The following DOCK7 variants were observed in gnomAD, a reference collection of about 807,000 sequenced individuals.
DOCK7 encodes dedicator of cytokinesis protein 7.
DOCK7 carries 138 observed loss-of-function variants against 271.0 expected under a neutral mutation model. The ratio of observed to expected loss-of-function variants is 0.51; its 90% CI spans 0.44 to 0.59. The LOEUF (loss-of-function observed/expected upper bound fraction) is 0.59, where lower values mean the gene tolerates loss of function less well. Ranked by LOEUF, DOCK7 falls within the 20% of genes least tolerant of loss-of-function variation. The probability of loss-of-function intolerance (pLI) is 0.00; values close to 1 mark genes in which losing one functional copy is unlikely to be tolerated. For synonymous variants in DOCK7, 823 were observed against 876.1 expected (o/e 0.94, Z 1.07); for missense variants, 2,066 against 2,592.4 (o/e 0.80, Z 4.41).
intron 1 of DOCK7, among the ~76,000 whole-genome samples, chr1:62,683,222 G>A (rs913653935): frequency 6.6e-6 from 1 of 152,194 alleles, no homozygotes; most frequent in East Asian, 1.9e-4. Flanking sequence ...TAGATATTCA[G>A]CATTAAGAAT....
intron 1 of DOCK7, among the ~76,000 whole-genome samples, chr1:62,682,213 G>C (rs1363926751): frequency 6.6e-6 from 1 of 152,174 alleles, no homozygotes; most frequent in African/African-American, 2.4e-5. Context: ...GCAAGGGTTT[G>C]GCTTTAACAC....
chr1:62,458,534 TG>T (rs62932760), intron 48 of DOCK7: 74,516 of 127,320 alleles, frequency 0.59, 21,163 homozygotes, highest in East Asian at 0.76. Context: ...TAATAGGTTT[TG>T]TTTTTTTTTT....
Position 62,485,342 on chromosome 1 carries a change from T to TCA in DOCK7, c.5508+2054_5508+2055dup, listed in dbSNP as rs141017482. The TCA allele has an allele frequency of 2.7e-3, 2,543 of 930,952 alleles. 13 individuals carry two copies. The highest frequency in any genetic ancestry group is 0.019 in the African/African-American group (1,075 of 55,894). 57.7% of individuals were successfully genotyped at this position (930,952 alleles called of 1,614,324 possible). ...AAATACTAAGTTTTAGAGTTATCTTTCACACACACACACACACACCCTTCT... is the reference window on the plus strand; with the variant it reads ...AAATACTAAGTTTTAGAGTTATCTTTCACACACACACACACACACACCCTTCT... On this transcript the variant is annotated intron_variant, in intron 43 of 49. Transcript: ENST00000635253.
rs1227331119 is a variant in DOCK7 at position 62,488,930 on chromosome 1, T to C, written c.5493+4A>G. ...ATAGTGAAGCTAGAAATTGGAATCA[T>C]TACCTGATGAACAATTTTGCTGAAT... On this transcript the variant is annotated splice_donor_region_variant and intron_variant, in intron 42 of 49. Transcript: ENST00000635253. 1.2e-6 allele frequency: 2 copies of C among 1,613,576 alleles called. No homozygotes were observed. The highest frequency in any genetic ancestry group is 1.7e-6 in the Non-Finnish European group (2 of 1,179,812).
intron 15 of DOCK7, 73 bp downstream of exon 15, chr1:62,586,434 C>T: frequency 1.7e-6 from 2 of 1,149,648 alleles, no homozygotes; most frequent in African/African-American, 1.6e-5. Context: ...TTGCAGTTGC[C>T]AACCAAAGAG....
At chr1:62,671,334 G>A (rs183401484) in intron 1 of DOCK7, among the ~76,000 whole-genome samples, 136 of 152,320 alleles carry the variant, frequency 8.9e-4, no homozygotes, top group Non-Finnish European at 7.4e-4. Flanking sequence ...CACAGGAATA[G>A]AAAAGAAAAA....
At chr1:62,634,386 T>A (rs1654998233) in intron 9 of DOCK7, 1 of 152,220 alleles carries the variant, frequency 6.6e-6, no homozygotes, top group African/African-American at 2.4e-5. Context: ...TTTTTTTTTT[T>A]TTTTTTGCAG....
At chr1:62,669,118 T>G (rs1048252130) in intron 1 of DOCK7, among the ~76,000 whole-genome samples, 2 of 152,156 alleles carry the variant, frequency 1.3e-5, no homozygotes, top group African/African-American at 4.8e-5. Context: ...CTCCCTATAC[T>G]TTCAAAGCAC....
At chr1:62,583,684 T>C (rs1647208665) in intron 15 of DOCK7, among the ~76,000 whole-genome samples, 1 of 152,168 alleles carries the variant, frequency 6.6e-6, no homozygotes, top group East Asian at 1.9e-4. Flanking sequence ...ATATAAATTA[T>C]ATATGATATC....
chr1:62,633,717 C>G lies in DOCK7; in HGVS notation c.1036-139G>C, dbSNP rs373090870. On this transcript the variant is annotated intron_variant, in intron 9 of 49. Coordinates refer to ENST00000635253, the MANE Select transcript of DOCK7 (RefSeq NM_001367561.1). ...GACATCTCAATTGCTGTAGAACAAA[C>G]ATTAGACAAAATTCAGTACTCTTTC... 317 of 609,696 alleles carry G rather than the reference C, an allele frequency of 5.2e-4. No individual in the cohort carries two copies. The South Asian group carries it at 6.8e-3, about 13-fold the overall frequency. The allele number at this position is 609,696 out of a possible 1,614,324, so 37.8% of individuals were successfully genotyped here.
At chr1:62,573,967 G>A (rs141374420) in intron 18 of DOCK7, among the ~76,000 whole-genome samples, 11 of 152,202 alleles carry the variant, frequency 7.2e-5, no homozygotes, top group African/African-American at 2.6e-4. Flanking sequence ...ATTTTATACA[G>A]TTACAAGGAA....
rs547622672 is a variant in DOCK7 at position 62,612,259 on chromosome 1, A to G, written c.1682+6447T>C. Among the ~76,000 whole-genome samples, 6 of 152,302 alleles carry G rather than the reference A, an allele frequency of 3.9e-5. No individual in the cohort carries two copies. In the South Asian group the frequency reaches 6.2e-4, roughly 16 times the overall value. On this transcript the variant is annotated intron_variant, in intron 14 of 49. Transcript: ENST00000635253. ...GCTTTGCTTCAAAAATATTACCAACAAAACAAAAGACAGGACAAGTAACAG... is the reference window on the plus strand; with the variant it reads ...GCTTTGCTTCAAAAATATTACCAACGAAACAAAAGACAGGACAAGTAACAG...
chr1:62,648,964 T>C (rs927112293), intron 4 of DOCK7, among the ~76,000 whole-genome samples: 5 of 152,132 alleles, frequency 3.3e-5, no homozygotes, highest in Admixed American at 1.3e-4. Flanking sequence ...AAATTTCAAG[T>C]AGCCAAGAAA....
intron 1 of DOCK7, among the ~76,000 whole-genome samples, chr1:62,669,171 G>A (rs1202400964): frequency 6.6e-6 from 1 of 152,168 alleles, no homozygotes; most frequent in Non-Finnish European, 1.5e-5. Flanking sequence ...GAGCTTCCAG[G>A]AGACAAATTC....
At chr1:62,584,046 C>T (rs1647229930) in intron 15 of DOCK7, 2 of 682,398 alleles carry the variant, frequency 2.9e-6, no homozygotes, top group Admixed American at 1.3e-4. Context: ...GTATAGCCAT[C>T]TTTACATATG....
chr1:62,537,945 G>A lies in DOCK7; in HGVS notation c.3417C>T (p.Ser1139=), dbSNP rs1645400400. ...EHYVTLNLPC[S]LLTPPASPSP... ...ATGGAGATGCAGGTGGAGTAAGTAA[G>A]CTGCAGGGTAAGTTTAATGTAACAT... Residue 1139 remains serine, a synonymous_variant, in exon 28 of 50, where the codon AGC becomes AGT. Coordinates refer to ENST00000635253, the MANE Select transcript of DOCK7 (RefSeq NM_001367561.1). The A allele has an allele frequency of 6.2e-7, 1 of 1,614,034 alleles. No homozygotes were observed. The highest frequency in any genetic ancestry group is 8.5e-7 in the Non-Finnish European group (1 of 1,179,938).
rs564309721 is a variant in DOCK7, at chr1:62,596,956, C to T, written c.1683-10332G>A. Among the ~76,000 whole-genome samples the T allele has an allele frequency of 1.6e-4, 24 of 151,548 alleles. No homozygotes were observed. The South Asian group carries it at 4.6e-3, about 29-fold the overall frequency. On this transcript the variant is annotated intron_variant, in intron 14 of 49. Transcript: ENST00000635253. ...GATGGTTAAGACATATAAGGTGATG[C>T]AAAAAAACATATTAACAATTATAGT...
At chr1:62,682,442 G>A (rs755320922) in intron 1 of DOCK7, among the ~76,000 whole-genome samples, 8 of 152,156 alleles carry the variant, frequency 5.3e-5, no homozygotes, top group Non-Finnish European at 1.0e-4. Flanking sequence ...TGGGATCTGT[G>A]TGAAGCACTG....
Position 62,455,185 on chromosome 1 carries a change from T to G in DOCK7, c.*229A>C, listed in dbSNP as rs1446147541. The G allele has an allele frequency of 1.2e-5, 8 of 640,816 alleles. No homozygotes were observed. The African/African-American group carries it at 1.5e-4, about 12-fold the overall frequency. The allele number at this position is 640,816 out of a possible 1,614,324, so 39.7% of individuals were successfully genotyped here. On this transcript the variant is annotated 3_prime_UTR_variant, in exon 50 of 50. Coordinates refer to ENST00000635253, the MANE Select transcript of DOCK7 (RefSeq NM_001367561.1). ...TAATGGTAAATGTATAGTGTACCTT[T>G]GAGTCATTAAAATGTCTTAAAAGAT...
Sources: allele counts gnomAD v4.1 joint callset (sites outside exome capture counted in the v4.1 genomes callset), GRCh38; gene constraint gnomAD v4.1.1; transcripts MANE v1.5; gene names NCBI Gene and HGNC (gene_info 2026-07-23, HGNC 2026-07-21).